Variants in KLF15 observed in about 807,000 individuals in gnomAD.
KLF15 encodes Krueppel-like factor 15.
A neutral mutation model predicts 24.6 loss-of-function variants in KLF15; 4 were observed. That is an observed-to-expected ratio of 0.16 (90% CI 0.08 to 0.37). KLF15 has a LOEUF of 0.37. Ranked by LOEUF, KLF15 falls within the 10% of genes least tolerant of loss-of-function variation. The pLI, the probability that KLF15 is intolerant of heterozygous loss-of-function variation, is 1.00. For synonymous variants in KLF15, 246 were observed against 236.3 expected, an observed-to-expected ratio of 1.04 and a Z score of -0.37; for missense variants, 496 against 560.6, an observed-to-expected ratio of 0.88 and a Z score of 1.16.
chr3:126,312,718 G>A, the KLF15 span, among the ~76,000 whole-genome samples: 3 of 152,150 alleles, frequency 2.0e-5, no homozygotes, highest in East Asian at 3.9e-4. Flanking sequence ...AACAAAGTAC[G>A]ACAGCCTGAG....
the KLF15 span, among the ~76,000 whole-genome samples, chr3:126,309,348 G>C: frequency 6.6e-6 from 1 of 152,196 alleles, no homozygotes; most frequent in Non-Finnish European, 1.5e-5. Flanking sequence ...GTGCATCCTG[G>C]AGCTGAGTGA....
At chr3:126,347,038 T>C (rs2082540343) in intron 2 of KLF15, among the ~76,000 whole-genome samples, 1 of 151,920 alleles carries the variant, frequency 6.6e-6, no homozygotes, top group African/African-American at 2.4e-5. Flanking sequence ...CTGCATGGAG[T>C]TGAGTGTTGG....
Position 126,352,009 on chromosome 3 carries a change from A to G in KLF15, c.914T>C (p.Met305Thr), listed in dbSNP as rs1338386027. The G allele has an allele frequency of 1.9e-6, 3 of 1,562,072 alleles. No individual in the cohort carries two copies. The highest frequency in any genetic ancestry group is 1.9e-5 in the Admixed American group (1 of 52,374). Residue 305 changes from methionine (M) to threonine (T), a missense_variant, in exon 2 of 3, where the codon ATG (methionine) becomes ACG (threonine). Around this residue, in one of 3 missense-constraint regions of KLF15, gnomAD observed 399 missense variants for 423.1 expected, o/e 0.94. Coordinates refer to ENST00000296233, the MANE Select transcript of KLF15 (RefSeq NM_014079.4). ...PLGPGPAGLL[M>T]GQKFPKNPAA... Reference sequence around the variant, plus strand: ...TGGGTTCTTGGGGAACTTCTGGCCCATGAGGAGACCGGCAGGGCCAGGCCC... The same window carrying G: ...TGGGTTCTTGGGGAACTTCTGGCCCGTGAGGAGACCGGCAGGGCCAGGCCC...
chr3:126,295,034 A>G, the KLF15 span, among the ~76,000 whole-genome samples: 7,329 of 152,332 alleles, frequency 0.048, 267 homozygotes, highest in Middle Eastern at 0.099. Flanking sequence ...ACATGTGCAC[A>G]TATACATGCA....
At chr3:126,321,257 G>T in the KLF15 span, among the ~76,000 whole-genome samples, 1 of 152,226 alleles carries the variant, frequency 6.6e-6, no homozygotes, top group Admixed American at 6.5e-5. Flanking sequence ...CACAGAGGAA[G>T]AATCGCCCCT....
chr3:126,290,999 C>G, the KLF15 span: 1 of 152,226 alleles, frequency 6.6e-6, no homozygotes, highest in African/African-American at 2.4e-5. Context: ...CTGAAACATT[C>G]TCCCACAACC....
intron 2 of KLF15, among the ~76,000 whole-genome samples, chr3:126,345,447 T>C (rs1029810544): frequency 6.6e-6 from 1 of 151,970 alleles, no homozygotes; most frequent in African/African-American, 2.4e-5. Flanking sequence ...GGGCAGACAC[T>C]GTCAAGGAGC....
chr3:126,321,296 G>T, the KLF15 span, among the ~76,000 whole-genome samples: 1 of 152,172 alleles, frequency 6.6e-6, no homozygotes, highest in African/African-American at 2.4e-5. Context: ...AGCTTCAATG[G>T]GTAAGAGCCC....
chr3:126,352,834 C>A lies in KLF15; in HGVS notation c.89G>T (p.Arg30Leu). 1 of 1,608,940 alleles carries A rather than the reference C, an allele frequency of 6.2e-7. No homozygotes were observed. The change falls in exon 2 of 3, where the codon CGG (arginine) becomes CTG (leucine). Residue 30 changes from arginine to leucine, a missense_variant. Physicochemically the swap from Arg to Leu is moderately radical, Grantham distance 102. Coordinates refer to ENST00000296233, the MANE Select transcript of KLF15 (RefSeq NM_014079.4). The stretch of plus-strand genomic sequence containing the variant: ...GGGTGAGGGCAGCATGTGATATGCC[C>A]GCCGGCCAACCAGCCTATCACCCAG... ...GYLGDRLVGRRAYHMLPSPVS... is the reference protein window; with the variant it reads ...GYLGDRLVGRLAYHMLPSPVS...
chr3:126,347,247 C>T (rs1257317269), intron 2 of KLF15, among the ~76,000 whole-genome samples: 3 of 152,192 alleles, frequency 2.0e-5, no homozygotes, highest in Admixed American at 6.5e-5. Context: ...CGCAAACAGT[C>T]CAGTCTCAGA....
the KLF15 span, among the ~76,000 whole-genome samples, chr3:126,296,847 TG>T: frequency 6.6e-6 from 1 of 152,260 alleles, no homozygotes; most frequent in Non-Finnish European, 1.5e-5. Flanking sequence ...CTTCTTAGTT[TG>T]TAAGAATTAT....
chr3:126,327,247 T>C, the KLF15 span, among the ~76,000 whole-genome samples: 1 of 152,136 alleles, frequency 6.6e-6, no homozygotes, highest in South Asian at 2.1e-4. Flanking sequence ...GTGAGAAGTA[T>C]AGCAGGCAGT....
the KLF15 span, among the ~76,000 whole-genome samples, chr3:126,329,101 G>T: frequency 6.6e-6 from 1 of 152,136 alleles, no homozygotes; most frequent in African/African-American, 2.4e-5. Context: ...GCTATTTCTT[G>T]TACCTTTATA....
At chr3:126,288,337 A>T in the KLF15 span, 1 of 152,266 alleles carries the variant, frequency 6.6e-6, no homozygotes, top group South Asian at 2.1e-4. Context: ...ATGTTCGAGA[A>T]AGCCCAGGCT....
chr3:126,331,622 G>T, the KLF15 span, among the ~76,000 whole-genome samples: 2 of 152,186 alleles, frequency 1.3e-5, no homozygotes, highest in Non-Finnish European at 2.9e-5. Flanking sequence ...GAGCCAAGAT[G>T]GCCGAATAGG....
the KLF15 span, chr3:126,294,057 C>T: frequency 6.6e-6 from 1 of 152,294 alleles, no homozygotes; most frequent in African/African-American, 2.4e-5. Flanking sequence ...GAGGATGGGT[C>T]TGTCGCTCTT....
At chr3:126,324,781 G>C in the KLF15 span, among the ~76,000 whole-genome samples, 2 of 64,594 alleles carry the variant, frequency 3.1e-5, no homozygotes, top group South Asian at 1.0e-3. Flanking sequence ...TGATCTTTTT[G>C]CTTTTAATTT....
At chr3:126,304,577 A>T in the KLF15 span, among the ~76,000 whole-genome samples, 3 of 152,212 alleles carry the variant, frequency 2.0e-5, no homozygotes, top group Non-Finnish European at 4.4e-5. Context: ...TTCTCCTCCC[A>T]GCACCTCCAC....
At chr3:126,323,447 T>TA in the KLF15 span, among the ~76,000 whole-genome samples, 11 of 52,222 alleles carry the variant, frequency 2.1e-4, no homozygotes, top group African/African-American at 7.6e-4. Flanking sequence ...CATATATATG[T>TA]TATATATATA....
Sources: allele counts gnomAD v4.1 joint callset (sites outside exome capture counted in the v4.1 genomes callset), GRCh38; gene constraint gnomAD v4.1.1; regional missense constraint gnomAD v4.1.1; transcripts MANE v1.5; gene names NCBI Gene and HGNC (gene_info 2026-07-23, HGNC 2026-07-21).